MYO3B: variants seen among roughly 807,000 people sequenced by gnomAD.
MYO3B encodes myosin-IIIb.
In MYO3B, 156 loss-of-function variants were observed where a neutral mutation model predicts 174.6. The observed-to-expected ratio is 0.89, with a 90% confidence interval of 0.78 to 1.02. The LOEUF (loss-of-function observed/expected upper bound fraction) is 1.02. Among genes scored for constraint, MYO3B ranks in the 50% least tolerant of loss-of-function variants. The probability of loss-of-function intolerance (pLI) is 0.00; values close to 1 mark genes in which losing one functional copy is unlikely to be tolerated. For synonymous variants in MYO3B, 563 were observed against 569.1 expected (o/e 0.99, Z 0.15); for missense variants, 1,632 against 1,639.4 (o/e 1.00, Z 0.08).
At chr2:170,340,229 T>A (rs140859630) in intron 8 of MYO3B, 12 of 152,328 alleles carry the variant, frequency 7.9e-5, no homozygotes, top group African/African-American at 2.6e-4. Flanking sequence ...ATAACTTTAG[T>A]GGTTTTTTAG....
chr2:170,432,765 CAG>C (rs2094721540), intron 22 of MYO3B, among the ~76,000 whole-genome samples: 2 of 151,290 alleles, frequency 1.3e-5, no homozygotes, highest in Non-Finnish European at 3.0e-5. Context: ...TTAGTAGAGA[CAG>C]GGTTTCACCG....
chr2:170,266,638 T>C (rs1456389306), intron 7 of MYO3B, among the ~76,000 whole-genome samples: 1 of 152,242 alleles, frequency 6.6e-6, no homozygotes, highest in Non-Finnish European at 1.5e-5. Flanking sequence ...CAGGTTCTTA[T>C]GTAAGTGTCA....
chr2:170,516,901 AT>A (rs200594377), intron 29 of MYO3B, among the ~76,000 whole-genome samples: 34 of 151,560 alleles, frequency 2.2e-4, no homozygotes, highest in South Asian at 1.9e-3. Context: ...CACTGGTCTA[AT>A]TTTTTTTTAA....
chr2:170,401,689 A>C lies in MYO3B; in HGVS notation c.2127A>C (p.Ile709=). Residue 709 remains isoleucine, a splice_region_variant and synonymous_variant, in exon 18 of 35, where the codon ATA becomes ATC. Transcript: ENST00000408978. Reference sequence around the variant, plus strand: ...CACTCCTGCAGCCAGACGAAAACATATGGCAAGTTCCTCGGAGAGCAGAGG... The same window carrying C: ...CACTCCTGCAGCCAGACGAAAACATCTGGCAAGTTCCTCGGAGAGCAGAGG... The part of the protein sequence containing the change: ...INTLLQPDEN[I]CSAGGGMNVG... The C allele has an allele frequency of 6.2e-7, 1 of 1,613,282 alleles. No individual in the cohort carries two copies. Among genetic ancestry groups the C allele is most frequent in the Non-Finnish European group, 8.5e-7 (1 of 1,179,842 alleles).
intron 32 of MYO3B, among the ~76,000 whole-genome samples, chr2:170,643,369 G>A (rs1698128216): frequency 6.6e-6 from 1 of 152,194 alleles, no homozygotes; most frequent in Non-Finnish European, 1.5e-5. Flanking sequence ...ATCCACTGGA[G>A]TACCATGTGC....
At chr2:170,522,500 GT>G (rs1032188516) in intron 30 of MYO3B, among the ~76,000 whole-genome samples, 22 of 152,298 alleles carry the variant, frequency 1.4e-4, no homozygotes, top group African/African-American at 4.3e-4. Flanking sequence ...TGTCTTTACA[GT>G]CCAGCTTTCA....
intron 8 of MYO3B, among the ~76,000 whole-genome samples, chr2:170,339,239 A>G (rs1466106303): frequency 6.6e-6 from 1 of 152,236 alleles, no homozygotes; most frequent in African/African-American, 2.4e-5. Flanking sequence ...TGAATTATAC[A>G]GATAATTGCT....
intron 28 of MYO3B, among the ~76,000 whole-genome samples, chr2:170,503,437 A>G (rs1434270758): frequency 6.9e-6 from 1 of 145,272 alleles, no homozygotes; most frequent in Non-Finnish European, 1.5e-5. Context: ...TTTAAAAAGC[A>G]TGTTTCTTTA....
chr2:170,402,927 C>T lies in MYO3B; in HGVS notation c.2209C>T (p.Leu737Phe), dbSNP rs373367240. 3.1e-6 allele frequency: 5 copies of T among 1,611,480 alleles called. No homozygotes were observed. Among genetic ancestry groups the T allele is most frequent in the Admixed American group, 1.7e-5 (1 of 60,012 alleles). The change falls in exon 19 of 35, where the codon CTC (leucine) becomes TTC (phenylalanine). Residue 737 changes from leucine to phenylalanine, a missense_variant. By Grantham distance (22) the Leu-to-Phe change is conservative. Transcript: ENST00000408978. Reference protein sequence around the residue: ...ENFQRNSFEQLCINIANEQIQ... With the variant: ...ENFQRNSFEQFCINIANEQIQ... ...TTTTCAGAGAAATTCATTTGAGCAG[C>T]TCTGCATAAACATCGCCAATGAGCA...
intron 32 of MYO3B, among the ~76,000 whole-genome samples, chr2:170,617,974 T>C (rs1329989736): frequency 6.6e-6 from 1 of 152,204 alleles, no homozygotes; most frequent in East Asian, 1.9e-4. Flanking sequence ...CAGTGATTAC[T>C]GTTTTGATCT....
chr2:170,464,001 G>A (rs565316908), intron 24 of MYO3B, among the ~76,000 whole-genome samples: 15 of 152,268 alleles, frequency 9.9e-5, no homozygotes, highest in African/African-American at 2.9e-4. Flanking sequence ...ATTATAAAGC[G>A]TTAGAGTTGG....
rs542685479 is a variant in MYO3B, at chr2:170,502,297, G to A, written c.3370+432G>A. On this transcript the variant is annotated intron_variant, in intron 28 of 34. Transcript: ENST00000408978. ...TGTCCCTCGTCTGTTAAATGAGAGC[G>A]CTGGTTAAAAAGGTCCAGAAGGTGC... Among the ~76,000 whole-genome samples, 22 of 152,286 alleles carry A rather than the reference G, an allele frequency of 1.4e-4. No individual in the cohort carries two copies. In the South Asian group the frequency reaches 1.7e-3, roughly 11 times the overall value.
chr2:170,570,437 A>G (rs1000036099), intron 32 of MYO3B, among the ~76,000 whole-genome samples: 3 of 152,212 alleles, frequency 2.0e-5, no homozygotes, highest in Non-Finnish European at 2.9e-5. Flanking sequence ...ACCAAATAAA[A>G]GAATATTTCC....
chr2:170,182,688 T>C (rs919088000), intron 1 of MYO3B, among the ~76,000 whole-genome samples: 2 of 151,428 alleles, frequency 1.3e-5, no homozygotes, highest in Admixed American at 6.6e-5. Flanking sequence ...CTCAGCTGTC[T>C]GCAACCTACG....
intron 22 of MYO3B, among the ~76,000 whole-genome samples, chr2:170,438,798 C>G (rs6753065): frequency 0.078 from 11,900 of 152,000 alleles, 564 homozygotes; most frequent in Non-Finnish European, 0.1. Context: ...CCATGTCTGG[C>G]TAACTTTTGT....
chr2:170,209,582 C>T (rs770075980), intron 3 of MYO3B, among the ~76,000 whole-genome samples: 59 of 152,146 alleles, frequency 3.9e-4, no homozygotes, highest in Non-Finnish European at 7.8e-4. Context: ...AGTCCTGTGG[C>T]ACCTGTCAGA....
intron 16 of MYO3B, among the ~76,000 whole-genome samples, chr2:170,396,930 A>G (rs2094445023): frequency 6.6e-6 from 1 of 152,210 alleles, no homozygotes; most frequent in Non-Finnish European, 1.5e-5. Flanking sequence ...ATATAGAAAC[A>G]GCTGATGTAG....
chr2:170,218,427 A>T (rs999688287), intron 6 of MYO3B, among the ~76,000 whole-genome samples: 1 of 152,232 alleles, frequency 6.6e-6, no homozygotes, highest in Admixed American at 6.5e-5. Context: ...TGTATTATGA[A>T]AAAAAGCTAT....
intron 30 of MYO3B, among the ~76,000 whole-genome samples, chr2:170,534,373 A>G (rs2106180773): frequency 6.6e-6 from 1 of 152,342 alleles, no homozygotes; most frequent in Admixed American, 6.5e-5. Flanking sequence ...GAAGTCTAGA[A>G]CAAAACCCAC....
Sources: allele counts gnomAD v4.1 joint callset (sites outside exome capture counted in the v4.1 genomes callset), GRCh38; gene constraint gnomAD v4.1.1; transcripts MANE v1.5; gene names NCBI Gene and HGNC (gene_info 2026-07-23, HGNC 2026-07-21).